The following CDH8 variants were observed in gnomAD, a reference collection of about 807,000 sequenced individuals.
CDH8 encodes the protein cadherin-8.
In CDH8, 17 loss-of-function variants were observed where a neutral mutation model predicts 68.1. The observed-to-expected ratio is 0.25, with a 90% CI of 0.17 to 0.37. The LOEUF is 0.37. CDH8 is among the 10% of genes least tolerant of loss of function. CDH8 has a pLI of 1.00. For missense variants in CDH8, 763 were observed against 999.3 expected (o/e 0.76, Z 3.19); for synonymous variants, 372 against 365.1 (o/e 1.02, Z -0.21).
intron 3 of CDH8, among the ~76,000 whole-genome samples, chr16:61,884,532 C>T (rs1213025979): frequency 6.6e-6 from 1 of 151,976 alleles, no homozygotes; most frequent in South Asian, 2.1e-4. Context: ...TGCCACCACA[C>T]CCGGCTAATT....
At chr16:61,668,320 T>A (rs1341094944) in intron 10 of CDH8, among the ~76,000 whole-genome samples, 6 of 151,868 alleles carry the variant, frequency 4.0e-5, no homozygotes, top group African/African-American at 1.5e-4. Context: ...AGGTCTGGTG[T>A]GTTTGATGAT....
chr16:61,694,486 G>A (rs533308696), intron 10 of CDH8, among the ~76,000 whole-genome samples: 13 of 152,118 alleles, frequency 8.5e-5, no homozygotes, highest in Non-Finnish European at 1.6e-4. Flanking sequence ...TAGTCATATT[G>A]GGGGTGATGG....
chr16:61,781,401 TG>T (rs1335339881), intron 8 of CDH8, among the ~76,000 whole-genome samples: 4 of 151,896 alleles, frequency 2.6e-5, no homozygotes, highest in Non-Finnish European at 5.9e-5. Flanking sequence ...AAGACTAGCC[TG>T]GGCAACATGG....
chr16:61,998,570 T>G (rs985916833), intron 2 of CDH8, among the ~76,000 whole-genome samples: 4 of 152,166 alleles, frequency 2.6e-5, no homozygotes, highest in African/African-American at 9.7e-5. Context: ...TGTATCTTTT[T>G]ATTGCTTCTT....
intron 2 of CDH8, among the ~76,000 whole-genome samples, chr16:61,910,749 T>G (rs1336477959): frequency 6.6e-6 from 1 of 152,110 alleles, no homozygotes; most frequent in African/African-American, 2.4e-5. Context: ...TTAGGAAATA[T>G]AATGATGAGT....
intron 10 of CDH8, among the ~76,000 whole-genome samples, chr16:61,662,892 C>T (rs1042459224): frequency 2.0e-5 from 3 of 151,894 alleles, no homozygotes; most frequent in Non-Finnish European, 2.9e-5. Flanking sequence ...TCATTTCTCC[C>T]AGTTAGGGAT....
chr16:61,933,356 G>A (rs1964575646), intron 2 of CDH8, among the ~76,000 whole-genome samples: 1 of 152,136 alleles, frequency 6.6e-6, no homozygotes, highest in South Asian at 2.1e-4. Context: ...TTATGCTGCG[G>A]GCATAGATAT....
chr16:61,719,316 A>T (rs1044332042), intron 9 of CDH8, among the ~76,000 whole-genome samples: 2 of 151,206 alleles, frequency 1.3e-5, no homozygotes, highest in African/African-American at 4.8e-5. Flanking sequence ...GCCTTCATAA[A>T]TGCATTGTAG....
At chr16:61,829,985 C>T (rs1326400998) in intron 4 of CDH8, among the ~76,000 whole-genome samples, 1 of 151,876 alleles carries the variant, frequency 6.6e-6, no homozygotes, top group African/African-American at 2.4e-5. Flanking sequence ...TATTACTTAA[C>T]TTTACTATTC....
chr16:61,647,621 G>C lies in CDH8; in HGVS notation c.*5987C>G. Reference sequence around the variant, plus strand: ...CCCAAGAAATTAACATTTGGCTTTGGGGGGTGATCCCAATGACTCCTAAAT... The same window carrying C: ...CCCAAGAAATTAACATTTGGCTTTGCGGGGTGATCCCAATGACTCCTAAAT... On this transcript the variant is annotated 3_prime_UTR_variant, in exon 12 of 12. Transcript: ENST00000577390. The C allele has an allele frequency of 1.8e-6, 1 of 558,122 alleles. No individual in the cohort carries two copies. Among genetic ancestry groups the C allele is most frequent in the East Asian group, 3.0e-5 (1 of 33,384 alleles). The allele number at this position is 558,122 out of a possible 1,614,324, so 34.6% of individuals were successfully genotyped here.
At chr16:61,661,009 G>A (rs541713124) in intron 10 of CDH8, among the ~76,000 whole-genome samples, 2 of 151,914 alleles carry the variant, frequency 1.3e-5, no homozygotes, top group Middle Eastern at 3.4e-3. Context: ...GAGACAATAA[G>A]TATCTACTTA....
chr16:61,776,935 G>A (rs888881703), intron 8 of CDH8, among the ~76,000 whole-genome samples: 5 of 151,924 alleles, frequency 3.3e-5, no homozygotes, highest in Admixed American at 2.6e-4. Context: ...ACCTGCACAT[G>A]CACCCCTGAA....
At chr16:61,981,380 A>G (rs1350985387) in intron 2 of CDH8, among the ~76,000 whole-genome samples, 1 of 152,154 alleles carries the variant, frequency 6.6e-6, no homozygotes, top group Non-Finnish European at 1.5e-5. Context: ...CTCAATCTGT[A>G]TCTCTCAAGA....
intron 3 of CDH8, among the ~76,000 whole-genome samples, chr16:61,891,341 T>C (rs548523699): frequency 2.8e-4 from 40 of 144,768 alleles, no homozygotes; most frequent in Admixed American, 1.4e-4. Flanking sequence ...AAATAAACCT[T>C]GTTCATATTG....
At chr16:62,022,047 T>G (rs1217751047) in intron 1 of CDH8, among the ~76,000 whole-genome samples, 2 of 152,154 alleles carry the variant, frequency 1.3e-5, no homozygotes, top group Non-Finnish European at 2.9e-5. Context: ...TCTTTGTTTT[T>G]CTTTCTTTCA....
At chr16:61,925,700 T>C (rs1964446010) in intron 2 of CDH8, among the ~76,000 whole-genome samples, 1 of 152,190 alleles carries the variant, frequency 6.6e-6, no homozygotes, top group Non-Finnish European at 1.5e-5. Context: ...GGGTCACTCA[T>C]CTGCAAGAGC....
At chr16:62,028,018 T>C (rs1160335673) in intron 1 of CDH8, among the ~76,000 whole-genome samples, 4 of 151,982 alleles carry the variant, frequency 2.6e-5, no homozygotes, top group East Asian at 1.9e-4. Context: ...CAAAAGCATA[T>C]TGTTTGCTTG....
intron 3 of CDH8, among the ~76,000 whole-genome samples, chr16:61,890,698 AT>A (rs1963760277): frequency 6.6e-6 from 1 of 152,192 alleles, no homozygotes; most frequent in South Asian, 2.1e-4. Context: ...ATAACAAAAA[AT>A]GATACCAATA....
rs748246415 is a variant in CDH8, at chr16:61,748,041, C to T, written c.1415-20826G>A. Among the ~76,000 whole-genome samples, 186 of 152,048 alleles carry T rather than the reference C, an allele frequency of 1.2e-3. 1 individual carries two copies. The highest frequency in any genetic ancestry group is 7.2e-4 in the Admixed American group (11 of 15,248). On this transcript the variant is annotated intron_variant, in intron 8 of 11. Transcript: ENST00000577390. ...GAACCAGTCAGTGGAGAATAAACCA[C>T]TTTGGTTGACTTCTTCCTCAGCACT...
Sources: gnomAD v4.1 joint callset for allele counts (sites outside exome capture counted in the v4.1 genomes callset) on GRCh38, gnomAD v4.1.1 for gene constraint, MANE v1.5 for transcripts, NCBI Gene and HGNC (gene_info 2026-07-23, HGNC 2026-07-21) for gene names.